MAGI2: variants seen among roughly 807,000 people sequenced by gnomAD.
The protein encoded by MAGI2 is membrane-associated guanylate kinase, WW and PDZ domain-containing protein 2.
MAGI2 carries 35 observed loss-of-function variants against 133.3 expected under a neutral mutation model. That is an observed-to-expected ratio of 0.26 (90% CI 0.20 to 0.35). The LOEUF is 0.35. Ranked by LOEUF, MAGI2 falls within the 10% of genes least tolerant of loss-of-function variation. MAGI2 has a pLI of 1.00. For missense variants in MAGI2, 1,636 were observed against 1,863.4 expected (o/e 0.88, Z 2.25); for synonymous variants, 729 against 710.6 (o/e 1.03, Z -0.41).
chr7:79,368,847 CAAAAAAAAAAAAAAAA>C (rs71095400), intron 1 of MAGI2, among the ~76,000 whole-genome samples: 7 of 75,354 alleles, frequency 9.3e-5, no homozygotes, highest in Middle Eastern at 0.017. Context: ...GACTCCGTCT[CAAAAAAAAAAAAAAAA>C]AAAAAAAAAA....
At chr7:78,521,928 A>G (rs1298503652) in intron 3 of MAGI2, among the ~76,000 whole-genome samples, 1 of 152,142 alleles carries the variant, frequency 6.6e-6, no homozygotes, top group African/African-American at 2.4e-5. Flanking sequence ...ATTATTCCCA[A>G]GCGGTACATA....
At chr7:78,821,606 A>G (rs1309521140) in intron 2 of MAGI2, among the ~76,000 whole-genome samples, 1 of 152,044 alleles carries the variant, frequency 6.6e-6, no homozygotes. Context: ...ATATTTAAAC[A>G]TGTCATGTGA....
At chr7:78,426,249 C>T (rs996553563) in intron 6 of MAGI2, among the ~76,000 whole-genome samples, 1 of 152,114 alleles carries the variant, frequency 6.6e-6, no homozygotes, top group Non-Finnish European at 1.5e-5. Context: ...AATGTATAGA[C>T]AAATCAATAG....
chr7:79,330,256 C>A lies in MAGI2; in HGVS notation c.301+122764G>T, dbSNP rs542378115. Among the ~76,000 whole-genome samples, 22 of 127,106 alleles carry A rather than the reference C, an allele frequency of 1.7e-4. No homozygotes were observed. In the Middle Eastern group the frequency reaches 0.046, roughly 266 times the overall value. The allele number at this position is 127,106 out of a possible 152,430, so 83.4% of individuals were successfully genotyped here. ...TTCCCCAGGCTGGAGTGCAGTGGTG[C>A]GATCTCGGCTCACTGCAAGCTCCGC... is the stretch of plus-strand genomic sequence containing the variant. On this transcript the variant is annotated intron_variant, in intron 1 of 21. Transcript: ENST00000354212.
At chr7:79,386,745 AT>A (rs1231310093) in intron 1 of MAGI2, among the ~76,000 whole-genome samples, 1 of 152,070 alleles carries the variant, frequency 6.6e-6, no homozygotes, top group East Asian at 1.9e-4. Context: ...ATTGAAAACT[AT>A]CCCCATTGTG....
intron 2 of MAGI2, among the ~76,000 whole-genome samples, chr7:78,744,994 A>G (rs1822786183): frequency 6.6e-6 from 1 of 152,186 alleles, no homozygotes; most frequent in Admixed American, 6.5e-5. Context: ...CTGGTGCCTA[A>G]CAAACATTAA....
chr7:78,885,165 G>A (rs1584275740), intron 2 of MAGI2, among the ~76,000 whole-genome samples: 3 of 152,250 alleles, frequency 2.0e-5, no homozygotes, highest in Admixed American at 2.0e-4. Flanking sequence ...AGAGAGCATA[G>A]GAGAGGGGAA....
chr7:78,084,797 A>AT (rs1489030839), intron 20 of MAGI2, among the ~76,000 whole-genome samples: 1 of 152,208 alleles, frequency 6.6e-6, no homozygotes, highest in Admixed American at 6.5e-5. Context: ...CTGTGCCCTA[A>AT]TGGCCCTGAT....
chr7:78,895,734 G>C (rs1797163530), intron 2 of MAGI2, among the ~76,000 whole-genome samples: 1 of 152,178 alleles, frequency 6.6e-6, no homozygotes, highest in East Asian at 1.9e-4. Flanking sequence ...AAGGTTGAGA[G>C]AGCATGGTCA....
At chr7:79,153,016 A>T (rs1823410814) in intron 1 of MAGI2, among the ~76,000 whole-genome samples, 1 of 152,192 alleles carries the variant, frequency 6.6e-6, no homozygotes. Context: ...CCTTTAGAAC[A>T]AGCTTTGGAT....
intron 2 of MAGI2, among the ~76,000 whole-genome samples, chr7:78,862,240 C>T (rs1294283626): frequency 2.6e-5 from 4 of 152,162 alleles, no homozygotes; most frequent in Non-Finnish European, 5.9e-5. Flanking sequence ...AATATAACTT[C>T]TTCGTAAATG....
At chr7:79,149,323 C>T (rs1037910742) in intron 1 of MAGI2, among the ~76,000 whole-genome samples, 10 of 151,658 alleles carry the variant, frequency 6.6e-5, no homozygotes, top group South Asian at 2.1e-4. Flanking sequence ...TTCACGCCCT[C>T]AATGCTGATT....
At chr7:79,135,313 T>G (rs547398606) in intron 1 of MAGI2, among the ~76,000 whole-genome samples, 1 of 152,352 alleles carries the variant, frequency 6.6e-6, no homozygotes, top group African/African-American at 2.4e-5. Flanking sequence ...GATCAGATTA[T>G]TTATAATATT....
chr7:79,257,108 A>G (rs892365898), intron 1 of MAGI2, among the ~76,000 whole-genome samples: 2 of 152,122 alleles, frequency 1.3e-5, no homozygotes, highest in East Asian at 3.9e-4. Flanking sequence ...CCATTCTACT[A>G]TATATATTTC....
intron 20 of MAGI2, among the ~76,000 whole-genome samples, chr7:78,116,213 A>G (rs955893390): frequency 2.0e-5 from 3 of 152,210 alleles, no homozygotes; most frequent in African/African-American, 7.2e-5. Context: ...TAAATAATTC[A>G]TGAGTCAAAG....
At chr7:79,435,865 AC>A (rs2129191183) in intron 1 of MAGI2, among the ~76,000 whole-genome samples, 1 of 152,270 alleles carries the variant, frequency 6.6e-6, no homozygotes, top group Non-Finnish European at 1.5e-5. Context: ...TTCAAACTAC[AC>A]TATAATGCTA....
In MAGI2 at chr7:78,019,888, G is replaced by T; in HGVS notation, c.3795C>A (p.Phe1265Leu). 1.2e-6 allele frequency: 2 copies of T among 1,612,574 alleles called. No homozygotes were observed. The highest frequency in any genetic ancestry group is 2.7e-5 in the African/African-American group (2 of 75,006). ...GVSLDDGLAP[F>L]SPSHPAPPSD... ...AGGGTGGGGCTGGATGTGATGGAGA[G>T]AATGGAGCGAGGCCGTCGTCCAGGG... The change falls in exon 22 of 22, where the codon TTC becomes TTA. Residue 1265 changes from phenylalanine (F) to leucine (L), a missense_variant. Transcript: ENST00000354212.
intron 1 of MAGI2, among the ~76,000 whole-genome samples, chr7:79,027,683 T>A (rs181698583): frequency 3.6e-4 from 55 of 152,298 alleles, no homozygotes; most frequent in African/African-American, 1.3e-3. Flanking sequence ...TCAAATGTTC[T>A]CAACCAAAAA....
At chr7:79,336,148 T>C (rs147211448) in intron 1 of MAGI2, among the ~76,000 whole-genome samples, 1 of 152,240 alleles carries the variant, frequency 6.6e-6, no homozygotes, top group Non-Finnish European at 1.5e-5. Context: ...TTACAATATA[T>C]TGGTTTACAT....
Sources: gnomAD v4.1 joint callset for allele counts (sites outside exome capture counted in the v4.1 genomes callset) on GRCh38, gnomAD v4.1.1 for gene constraint, MANE v1.5 for transcripts, NCBI Gene and HGNC (gene_info 2026-07-23, HGNC 2026-07-21) for gene names.